Variants in UTRN observed in about 807,000 individuals in gnomAD.
UTRN encodes dystrophin-related protein 1.
A neutral mutation model predicts 463.9 loss-of-function variants in UTRN; 283 were observed. The ratio of observed to expected loss-of-function variants is 0.61; its 90% CI spans 0.55 to 0.67. UTRN has a LOEUF of 0.67. Among genes scored for constraint, UTRN ranks in the 30% least tolerant of loss-of-function variants. The pLI, the probability that UTRN is intolerant of heterozygous loss-of-function variation, is 0.00. For synonymous variants in UTRN, 1,442 were observed against 1,431.5 expected, an observed-to-expected ratio of 1.01 and a Z score of -0.17; for missense variants, 3,922 against 4,084.3, an observed-to-expected ratio of 0.96 and a Z score of 1.08.
At chr6:144,307,959 G>A (rs945359831) in intron 2 of UTRN, among the ~76,000 whole-genome samples, 7 of 151,850 alleles carry the variant, frequency 4.6e-5, no homozygotes, top group Non-Finnish European at 1.5e-5. Flanking sequence ...CTTTTGTGTG[G>A]GTTCTTTTCT....
intron 2 of UTRN, among the ~76,000 whole-genome samples, chr6:144,402,119 A>G (rs1010609755): frequency 6.6e-6 from 1 of 152,228 alleles, no homozygotes; most frequent in African/African-American, 2.4e-5. Flanking sequence ...GTATGATTTG[A>G]AGAGGTCCAA....
At chr6:144,794,802 T>C (rs1309734382) in intron 63 of UTRN, among the ~76,000 whole-genome samples, 1 of 152,216 alleles carries the variant, frequency 6.6e-6, no homozygotes, top group African/African-American at 2.4e-5. Flanking sequence ...CACCTTCTGG[T>C]TCATTGCAAC....
At chr6:144,378,347 A>G (rs987220594) in intron 2 of UTRN, among the ~76,000 whole-genome samples, 9 of 152,234 alleles carry the variant, frequency 5.9e-5, no homozygotes, top group African/African-American at 2.2e-4. Flanking sequence ...TGGGAACTGC[A>G]TATACTATAG....
intron 54 of UTRN, among the ~76,000 whole-genome samples, chr6:144,746,455 C>G (rs1394990943): frequency 2.0e-5 from 3 of 152,052 alleles, no homozygotes; most frequent in African/African-American, 7.2e-5. Context: ...TTACTTGAAC[C>G]TGTTTCTCTA....
intron 54 of UTRN, among the ~76,000 whole-genome samples, chr6:144,731,985 C>T (rs1161436946): frequency 6.6e-6 from 1 of 151,810 alleles, no homozygotes; most frequent in African/African-American, 2.4e-5. Flanking sequence ...CCTCAGCTTC[C>T]CATATAGCTG....
chr6:144,740,318 C>T (rs1789908368), intron 54 of UTRN, among the ~76,000 whole-genome samples: 1 of 152,128 alleles, frequency 6.6e-6, no homozygotes, highest in African/African-American at 2.4e-5. Flanking sequence ...ATGTTTATAA[C>T]TCTTTGCTTT....
intron 2 of UTRN, among the ~76,000 whole-genome samples, chr6:144,349,907 A>G (rs1777962833): frequency 2.0e-5 from 3 of 152,170 alleles, no homozygotes; most frequent in Admixed American, 2.0e-4. Context: ...CTGCTCCAGT[A>G]TTTTGACCTT....
At chr6:144,513,193 G>A (rs1050046605) in intron 35 of UTRN, among the ~76,000 whole-genome samples, 2 of 152,156 alleles carry the variant, frequency 1.3e-5, no homozygotes, top group Admixed American at 6.5e-5. Flanking sequence ...CCTTTGAGCA[G>A]AGCATACAGA....
chr6:144,482,001 T>G (rs1418216001), intron 26 of UTRN, among the ~76,000 whole-genome samples: 1 of 152,136 alleles, frequency 6.6e-6, no homozygotes, highest in Admixed American at 6.5e-5. Context: ...GAGGTTGTAG[T>G]GAACAAGACT....
intron 33 of UTRN, among the ~76,000 whole-genome samples, chr6:144,494,655 C>T (rs544691608): frequency 1.3e-5 from 2 of 152,258 alleles, no homozygotes; most frequent in African/African-American, 4.8e-5. Context: ...GTTTACAATC[C>T]CTGAGCTAGA....
At chr6:144,633,273 A>G (rs891675900) in intron 51 of UTRN, among the ~76,000 whole-genome samples, 52 of 135,364 alleles carry the variant, frequency 3.8e-4, no homozygotes, top group African/African-American at 1.4e-3. Flanking sequence ...TCTGTCACCC[A>G]GGCTGAAGTG....
chr6:144,363,047 A>G (rs1259026644), intron 2 of UTRN, among the ~76,000 whole-genome samples: 1 of 152,180 alleles, frequency 6.6e-6, no homozygotes, highest in Non-Finnish European at 1.5e-5. Flanking sequence ...ATGATTTTGA[A>G]TAAGTTTCTC....
intron 2 of UTRN, among the ~76,000 whole-genome samples, chr6:144,394,017 C>T (rs1413189273): frequency 6.6e-6 from 1 of 152,064 alleles, no homozygotes; most frequent in African/African-American, 2.4e-5. Flanking sequence ...TTGTCTGGGT[C>T]TTGTCTATCT....
At chr6:144,838,659 A>C (rs1011775195) in intron 71 of UTRN, among the ~76,000 whole-genome samples, 2 of 152,118 alleles carry the variant, frequency 1.3e-5, no homozygotes, top group Non-Finnish European at 2.9e-5. Context: ...TACCCTCCCC[A>C]TTTTACAAAT....
Position 144,437,610 on chromosome 6 carries a change from G to A in UTRN, c.1105G>A (p.Val369Ile), listed in dbSNP as rs549966310. The change falls in exon 11 of 75, where the codon GTC becomes ATC. Residue 369 changes from valine to isoleucine, a missense_variant. Physicochemically the swap from Val to Ile is conservative, Grantham distance 29. This residue lies in a region of UTRN where 2,349 missense variants were observed against 2,303.8 expected (regional missense o/e 1.02). Coordinates refer to ENST00000367545, the MANE Select transcript of UTRN (RefSeq NM_007124.3). ...LTAHQSSVGS[V>I]LQAGNQLITQ... ...TGCACACCAGAGCAGTGTGGGCAGC[G>A]TCCTGCAGGCAGGCAACCAACTGAT... 2.6e-5 allele frequency: 42 copies of A among 1,613,888 alleles called. No individual in the cohort carries two copies. The highest frequency in any genetic ancestry group is 1.6e-4 in the Middle Eastern group (1 of 6,062).
intron 22 of UTRN, among the ~76,000 whole-genome samples, chr6:144,461,975 G>A (rs1789463326): frequency 6.6e-6 from 1 of 151,978 alleles, no homozygotes; most frequent in Non-Finnish European, 1.5e-5. Context: ...TTGTTAAATG[G>A]GTAAACGTGT....
chr6:144,553,951 C>A (rs1440971270), intron 48 of UTRN, among the ~76,000 whole-genome samples: 1 of 149,830 alleles, frequency 6.7e-6, no homozygotes, highest in African/African-American at 2.5e-5. Flanking sequence ...TTAGATCTGT[C>A]TGTCCTTAAA....
At position 144,631,237 on chromosome 6, in the gene UTRN, G is replaced by GGTGTGTGTGTGTGT. The variant is rs67332744; in HGVS notation, c.7480-47148_7480-47135dup. On this transcript the variant is annotated intron_variant, in intron 51 of 74. Coordinates refer to ENST00000367545, the MANE Select transcript of UTRN (RefSeq NM_007124.3). ...TGAGTGTGTGTGTGTGAGAGAGAGA[G>GGTGTGTGTGTGTGT]GTGTGTGTGTGTGTGTGTGTGTGTG... is the stretch of plus-strand genomic sequence containing the variant. 1.2e-3 allele frequency among the ~76,000 whole-genome samples: 172 copies of GGTGTGTGTGTGTGT among 147,534 alleles called. 1 individual carries two copies. The highest frequency in any genetic ancestry group is 2.3e-3 in the Admixed American group (35 of 14,944).
intron 31 of UTRN, among the ~76,000 whole-genome samples, chr6:144,490,422 A>G (rs1367863681): frequency 6.6e-6 from 1 of 151,078 alleles, no homozygotes; most frequent in Non-Finnish European, 1.5e-5. Context: ...ATGAGAAACA[A>G]GAGAGTGAGC....
Sources: allele counts gnomAD v4.1 joint callset (sites outside exome capture counted in the v4.1 genomes callset), GRCh38; gene constraint gnomAD v4.1.1; regional missense constraint gnomAD v4.1.1; transcripts MANE v1.5; gene names NCBI Gene and HGNC (gene_info 2026-07-23, HGNC 2026-07-21).